Variants in NKAIN2 observed in about 807,000 individuals in gnomAD.
NKAIN2 encodes the protein sodium/potassium transporting ATPase interacting 2.
In NKAIN2, 14 loss-of-function variants were observed where a neutral mutation model predicts 32.6. The ratio of observed to expected loss-of-function variants is 0.43; its 90% CI spans 0.28 to 0.67. The LOEUF is 0.67. Among genes scored for constraint, NKAIN2 ranks in the 30% least tolerant of loss-of-function variants. NKAIN2 has a pLI of 0.17. For synonymous variants in NKAIN2, 80 were observed against 87.2 expected (o/e 0.92, Z 0.46); for missense variants, 198 against 258.3 (o/e 0.77, Z 1.60).
At chr6:124,445,125 T>C (rs941072267) in intron 3 of NKAIN2, among the ~76,000 whole-genome samples, 1 of 151,988 alleles carries the variant, frequency 6.6e-6, no homozygotes, top group Non-Finnish European at 1.5e-5. Flanking sequence ...AGTCTTTAAG[T>C]AAAAAAGGAA....
intron 3 of NKAIN2, among the ~76,000 whole-genome samples, chr6:124,536,244 C>T (rs530171937): frequency 5.3e-5 from 8 of 152,146 alleles, no homozygotes; most frequent in African/African-American, 1.9e-4. Context: ...TATTTTCTGC[C>T]CTGAAGCTCT....
At chr6:124,149,011 T>C (rs1582740416) in intron 1 of NKAIN2, among the ~76,000 whole-genome samples, 1 of 152,162 alleles carries the variant, frequency 6.6e-6, no homozygotes, top group African/African-American at 2.4e-5. Context: ...CTAGTAGGTG[T>C]GAAATGGTAT....
intron 1 of NKAIN2, among the ~76,000 whole-genome samples, chr6:123,908,895 T>C (rs1423390722): frequency 6.6e-6 from 1 of 152,200 alleles, no homozygotes; most frequent in Non-Finnish European, 1.5e-5. Flanking sequence ...CAGTTATGTC[T>C]CATAGACATT....
At chr6:124,686,770 G>C (rs968351333) in intron 4 of NKAIN2, among the ~76,000 whole-genome samples, 17 of 152,120 alleles carry the variant, frequency 1.1e-4, no homozygotes, top group African/African-American at 4.1e-4. Flanking sequence ...TTAATACTGA[G>C]TGTAAACTTG....
intron 1 of NKAIN2, among the ~76,000 whole-genome samples, chr6:124,014,755 A>AT (rs937234301): frequency 1.9e-4 from 29 of 152,012 alleles, no homozygotes; most frequent in African/African-American, 6.5e-4. Flanking sequence ...ACATTTTGGG[A>AT]TTTTTTGCTT....
In NKAIN2 at chr6:124,712,526, C is replaced by T. The variant is rs567814390; in HGVS notation, c.474+54140C>T. On this transcript the variant is annotated intron_variant, in intron 4 of 6. Transcript: ENST00000368417. ...TGCAGGATATAATCTGGTGGTGTGC[C>T]GTTTTTTAAGCCCGTCGGAAAAGCG... 5.2e-5 allele frequency among the ~76,000 whole-genome samples: 6 copies of T among 115,194 alleles called. 1 individual carries two copies. The highest frequency in any genetic ancestry group is 1.4e-4 in the African/African-American group (4 of 27,778). 75.6% of individuals were successfully genotyped at this position (115,194 alleles called of 152,430 possible). A position where few individuals can be genotyped will look rare whatever the true frequency, so the allele number is the denominator to read the frequency against.
chr6:124,454,831 G>A (rs1454493596), intron 3 of NKAIN2, among the ~76,000 whole-genome samples: 2 of 151,970 alleles, frequency 1.3e-5, no homozygotes, highest in Non-Finnish European at 2.9e-5. Context: ...CTACTTAACA[G>A]GACTGATATC....
At chr6:124,775,216 A>G (rs913581026) in intron 4 of NKAIN2, among the ~76,000 whole-genome samples, 1 of 152,226 alleles carries the variant, frequency 6.6e-6, no homozygotes, top group African/African-American at 2.4e-5. Context: ...AAAAAAGCAG[A>G]TATTCAGACA....
intron 1 of NKAIN2, among the ~76,000 whole-genome samples, chr6:123,949,620 A>C (rs1378406195): frequency 1.3e-5 from 2 of 151,984 alleles, no homozygotes; most frequent in Admixed American, 1.3e-4. Context: ...TTGATGTATA[A>C]AAATGCTACT....
At chr6:124,747,745 G>A (rs941191669) in intron 4 of NKAIN2, among the ~76,000 whole-genome samples, 12 of 151,534 alleles carry the variant, frequency 7.9e-5, no homozygotes, top group Non-Finnish European at 1.5e-4. Context: ...AATGGAGGAG[G>A]GGGGCCTACA....
chr6:124,786,580 TATCATTTCCTTCCAGTCA>T (rs1779515728), intron 4 of NKAIN2, among the ~76,000 whole-genome samples: 5 of 152,122 alleles, frequency 3.3e-5, no homozygotes, highest in Non-Finnish European at 5.9e-5. Flanking sequence ...ACAGAGAAAA[TATCATTTCCTTCCAGTCA>T]GTGATAATAT....
At chr6:123,942,318 TTAAA>T (rs546144038) in intron 1 of NKAIN2, among the ~76,000 whole-genome samples, 105 of 152,132 alleles carry the variant, frequency 6.9e-4, no homozygotes, top group African/African-American at 2.2e-3. Context: ...TATTTAATAA[TTAAA>T]TAAAAGAGTT....
At chr6:124,779,326 A>G (rs186637238) in intron 4 of NKAIN2, among the ~76,000 whole-genome samples, 40 of 66,962 alleles carry the variant, frequency 6.0e-4, no homozygotes, top group Non-Finnish European at 9.2e-4. Flanking sequence ...GAGGGAAGGA[A>G]GGAAGGAAGG....
intron 1 of NKAIN2, among the ~76,000 whole-genome samples, chr6:124,033,652 G>T (rs914736357): frequency 1.3e-5 from 2 of 152,050 alleles, no homozygotes; most frequent in Non-Finnish European, 1.5e-5. Flanking sequence ...CCCACTAAAC[G>T]AAAGAAAGGT....
At chr6:123,907,565 C>T (rs1774947492) in intron 1 of NKAIN2, among the ~76,000 whole-genome samples, 1 of 152,032 alleles carries the variant, frequency 6.6e-6, no homozygotes, top group Admixed American at 6.6e-5. Flanking sequence ...TCTTCCATAA[C>T]CAAATTACCC....
At chr6:124,534,170 G>C (rs1779630429) in intron 3 of NKAIN2, among the ~76,000 whole-genome samples, 1 of 152,006 alleles carries the variant, frequency 6.6e-6, no homozygotes. Flanking sequence ...GGGGCATTGG[G>C]GGACAGAGTC....
intron 2 of NKAIN2, among the ~76,000 whole-genome samples, chr6:124,299,562 T>C (rs1490316148): frequency 6.6e-6 from 1 of 152,232 alleles, no homozygotes; most frequent in Admixed American, 6.5e-5. Context: ...TAAAAACATT[T>C]ATTTGACATG....
At chr6:124,425,449 T>C (rs1774941501) in intron 3 of NKAIN2, among the ~76,000 whole-genome samples, 1 of 152,014 alleles carries the variant, frequency 6.6e-6, no homozygotes, top group African/African-American at 2.4e-5. Flanking sequence ...AATAAATAAG[T>C]AGGGCTACAC....
intron 1 of NKAIN2, among the ~76,000 whole-genome samples, chr6:123,893,717 G>A (rs578016808): frequency 1.3e-5 from 2 of 152,260 alleles, no homozygotes; most frequent in East Asian, 1.9e-4. Context: ...CAAATAAAAG[G>A]CAGCTATGAA....
Sources: allele counts gnomAD v4.1 joint callset (sites outside exome capture counted in the v4.1 genomes callset), GRCh38; gene constraint gnomAD v4.1.1; transcripts MANE v1.5; gene names NCBI Gene and HGNC (gene_info 2026-07-23, HGNC 2026-07-21).